Variants in LLGL1 observed in about 807,000 individuals in gnomAD.
The protein encoded by LLGL1 is LLGL scribble cell polarity complex component 1.
LLGL1 carries 58 observed loss-of-function variants against 110.6 expected under a neutral mutation model. The observed-to-expected ratio is 0.52, with a 90% confidence interval of 0.42 to 0.65. LLGL1 has a LOEUF of 0.65. LLGL1 is among the 30% of genes least tolerant of loss of function. The pLI is 0.00. For missense variants in LLGL1, 1,229 were observed against 1,462.1 expected, an observed-to-expected ratio of 0.84 and a Z score of 2.60; for synonymous variants, 674 against 607.2, an observed-to-expected ratio of 1.11 and a Z score of -1.62.
rs1597877924 is a variant in LLGL1, at chr17:18,240,498, G to T, written c.2207-80G>T. On this transcript the variant is annotated intron_variant, in intron 16 of 22. Transcript: ENST00000316843. The surrounding 1 kb of genome is among the most constrained non-coding windows in gnomAD (Gnocchi z 5.3). The stretch of plus-strand genomic sequence containing the variant: ...GCAGGGCTACAAGAGAGGCAGGGAG[G>T]GACCTGCAGTCTGTGGGAAGACCCC... The T allele has an allele frequency of 2.1e-6, 3 of 1,440,154 alleles. No individual in the cohort carries two copies. The East Asian group carries it at 6.9e-5, about 33-fold the overall frequency. The allele number at this position is 1,440,154 out of a possible 1,614,324, so 89.2% of individuals were successfully genotyped here.
chr17:18,230,703 G>C (rs1402240396), intron 2 of LLGL1, among the ~76,000 whole-genome samples: 1 of 152,206 alleles, frequency 6.6e-6, no homozygotes, highest in Non-Finnish European at 1.5e-5. Context: ...CTTGGTGAGG[G>C]GTGCTGACCC....
At chr17:18,242,308 C>T (rs2047857860) in intron 20 of LLGL1, 30 bp downstream of exon 20, 1 of 1,597,818 alleles carries the variant, frequency 6.3e-7, no homozygotes. Context: ...GGTCCAGACC[C>T]TGGCCCCACG....
chr17:18,239,895 CACTT>C (rs768912449), intron 16 of LLGL1, among the ~76,000 whole-genome samples: 18 of 152,016 alleles, frequency 1.2e-4, no homozygotes, highest in Non-Finnish European at 1.9e-4. Context: ...GTTGTGCAGA[CACTT>C]AATGCCTCAG....
At position 18,233,933 on chromosome 17, in the gene LLGL1, G is replaced by A. The variant is rs755966163; in HGVS notation, c.548G>A (p.Arg183His). The A allele has an allele frequency of 8.7e-6, 14 of 1,611,562 alleles. No homozygotes were observed. The Middle Eastern group carries it at 4.9e-4, about 57-fold the overall frequency. Residue 183 changes from arginine to histidine, a missense_variant, in exon 5 of 23, where the codon CGC becomes CAC. Coordinates refer to ENST00000316843, the MANE Select transcript of LLGL1 (RefSeq NM_004140.4). ...ACGCTTGCCCCAGGCGAGGTTCTGC[G>A]CAGGTAAGAGGCCGGTGGGCTTCCC... Reference protein sequence around the residue: ...GQTLAPGEVLRSVPDDYRCGK... With the variant: ...GQTLAPGEVLHSVPDDYRCGK...
intron 19 of LLGL1, 64 bp downstream of exon 19, chr17:18,242,063 C>G: frequency 6.5e-7 from 1 of 1,549,228 alleles, no homozygotes; most frequent in Non-Finnish European, 8.9e-7. Context: ...CATCCCACCC[C>G]CGAGATCTGC....
At position 18,225,745 on chromosome 17, in the gene LLGL1, G is replaced by T; in HGVS notation, c.63G>T (p.Glu21Asp). The T allele has an allele frequency of 9.6e-7, 1 of 1,044,594 alleles. No individual in the cohort carries two copies. 64.7% of individuals were successfully genotyped at this position (1,044,594 alleles called of 1,614,324 possible). Residue 21 changes from glutamate to aspartate, a missense_variant, in exon 1 of 23, where the codon GAG becomes GAT. Transcript: ENST00000316843. ...CGCAGCGCGAGAAGCTCAAGCAGGA[G>T]CTTTTCGCCTTCAACAAGGTGCGGC... The part of the protein sequence containing the change: ...ADPQREKLKQ[E>D]LFAFNKTVEH...
rs1265851919 is a variant in LLGL1, at chr17:18,240,909, C to CT, written c.2502+37dup. ...GTGGGCTGTGGGGGACTCTGGGGGA[C>CT]TCCCCTCCAGGCCCCAACCTCATGG... On this transcript the variant is annotated intron_variant, in intron 17 of 22. Transcript: ENST00000316843. This position sits in a 1 kb window ranked among gnomAD's most constrained non-coding sequence, Gnocchi z 5.3. The CT allele has an allele frequency of 1.4e-6, 2 of 1,481,032 alleles. No individual in the cohort carries two copies. The highest frequency in any genetic ancestry group is 9.0e-7 in the Non-Finnish European group (1 of 1,105,822). 91.7% of individuals were successfully genotyped at this position (1,481,032 alleles called of 1,614,324 possible).
chr17:18,225,787 G>C, intron 1 of LLGL1, 24 bp downstream of exon 1: 2 of 977,596 alleles, frequency 2.0e-6, no homozygotes, highest in South Asian at 4.2e-5. Context: ...CCGGGCCCGG[G>C]CTCGGGCGGG....
rs1164212159 is a variant in LLGL1 at position 18,237,769 on chromosome 17, G to T, written c.1900G>T (p.Ala634Ser). The change falls in exon 14 of 23, where the codon GCC becomes TCC. Residue 634 changes from alanine to serine, a missense_variant. Physicochemically the swap from Ala to Ser is moderately conservative, Grantham distance 99. Transcript: ENST00000316843. ...CTACCAGCGCAAGAGCCCTGTGCTGGCCAGGTGTGTGGGGTGGGGCCGGCT... is the reference window on the plus strand; with the variant it reads ...CTACCAGCGCAAGAGCCCTGTGCTGTCCAGGTGTGTGGGGTGGGGCCGGCT... ...FDYQRKSPVLARCTLHPNDSL... is the reference protein window; with the variant it reads ...FDYQRKSPVLSRCTLHPNDSL... 3 of 1,601,154 alleles carry T rather than the reference G, an allele frequency of 1.9e-6. No individual in the cohort carries two copies. The highest frequency in any genetic ancestry group is 1.7e-6 in the Non-Finnish European group (2 of 1,171,798).
intron 20 of LLGL1, 83 bp downstream of exon 20, chr17:18,242,361 C>G: frequency 1.9e-6 from 3 of 1,541,382 alleles, no homozygotes; most frequent in Non-Finnish European, 1.8e-6. Flanking sequence ...GCTCAGGGAT[C>G]GGGCAGGCTT....
intron 7 of LLGL1, 103 bp downstream of exon 7, chr17:18,234,511 G>C: frequency 1.3e-6 from 2 of 1,578,512 alleles, no homozygotes; most frequent in Non-Finnish European, 8.6e-7. Flanking sequence ...GGGTGGTCTG[G>C]GGGCAGTGTG....
In LLGL1 at chr17:18,225,943, C is replaced by G. The variant is rs1379422273; in HGVS notation, c.81+180C>G. Among the ~76,000 whole-genome samples the G allele has an allele frequency of 2.0e-5, 3 of 151,310 alleles. No individual in the cohort carries two copies. In the East Asian group the frequency reaches 5.9e-4, roughly 30 times the overall value. The stretch of plus-strand genomic sequence containing the variant: ...GGCGGGCCCCGCTCTGGCTCGGACT[C>G]TGGGTGGGTCTGGGTCTCCGGCCGA... On this transcript the variant is annotated intron_variant, in intron 1 of 22. Transcript: ENST00000316843.
Position 18,241,932 on chromosome 17 carries a change from G to A in LLGL1, c.2815G>A (p.Ala939Thr), listed in dbSNP as rs2047844033. 3 of 1,614,032 alleles carry A rather than the reference G, an allele frequency of 1.9e-6. No individual in the cohort carries two copies. Among genetic ancestry groups the A allele is most frequent in the Admixed American group, 1.7e-5 (1 of 60,008 alleles). ...AGAATTTGAACGCTTCTCCCTAAGTGCCCGGAACATCACAGAGCCGCTCTG... is the reference window on the plus strand; with the variant it reads ...AGAATTTGAACGCTTCTCCCTAAGTACCCGGAACATCACAGAGCCGCTCTG... ...PSEFERFSLS[A>T]RNITEPLCSL... is the part of the protein sequence containing the mutation. The change falls in exon 19 of 23, where the codon GCC becomes ACC. Residue 939 changes from alanine to threonine, a missense_variant. Transcript: ENST00000316843.
At chr17:18,243,677 C>T (rs1279390719) in intron 22 of LLGL1, among the ~76,000 whole-genome samples, 1 of 152,318 alleles carries the variant, frequency 6.6e-6, no homozygotes, top group East Asian at 1.9e-4. Context: ...ATGGACACCT[C>T]CCAGCTCTTT....
chr17:18,229,874 C>T (rs2047530391), intron 1 of LLGL1, 67 bp from the exon 2 acceptor site: 7 of 1,138,342 alleles, frequency 6.1e-6, no homozygotes, highest in Non-Finnish European at 8.8e-6. Flanking sequence ...TTGGGGTGGG[C>T]CTCAGGGTGG....
chr17:18,237,416 C>T, intron 13 of LLGL1, 65 bp from the exon 14 acceptor site: 1 of 1,445,100 alleles, frequency 6.9e-7, no homozygotes, highest in Non-Finnish European at 9.2e-7. Flanking sequence ...AGGCTCCAGG[C>T]TGAGTGGGGC....
At chr17:18,235,624 G>A (rs951027033) in intron 11 of LLGL1, 87 bp downstream of exon 11, 4 of 1,368,592 alleles carry the variant, frequency 2.9e-6, no homozygotes, top group Middle Eastern at 2.3e-4. Context: ...GAGGTGCCAG[G>A]AGACTCAGGC....
Position 18,240,646 on chromosome 17 carries a change from G to T in LLGL1, c.2275G>T (p.Val759Leu), listed in dbSNP as rs754054096. 1.2e-6 allele frequency: 2 copies of T among 1,612,938 alleles called. No homozygotes were observed. Among genetic ancestry groups the T allele is most frequent in the Non-Finnish European group, 1.7e-6 (2 of 1,179,754 alleles). Residue 759 changes from valine to leucine, a missense_variant, in exon 17 of 23, where the codon GTG becomes TTG. Physicochemically the swap from Val to Leu is conservative, Grantham distance 32 (BLOSUM62 1). Transcript: ENST00000316843. This position sits in a 1 kb window ranked among gnomAD's most constrained non-coding sequence, Gnocchi z 5.3. ...CTCTGTGTTCGCCTATGCACTGGAG[G>T]TGCCGGCAGCAGCAGTGGGTGGTGA... ...SGSVFAYALE[V>L]PAAAVGGEKR...
Position 18,233,948 on chromosome 17 carries a change from G to A in LLGL1, c.551+12G>A. On this transcript the variant is annotated intron_variant, in intron 5 of 22. Transcript: ENST00000316843. ...GAGGTTCTGCGCAGGTAAGAGGCCG[G>A]TGGGCTTCCCAGCACCCACTGTGTG... The A allele has an allele frequency of 6.2e-7, 1 of 1,608,392 alleles. No homozygotes were observed. The highest frequency in any genetic ancestry group is 8.5e-7 in the Non-Finnish European group (1 of 1,177,514).
Sources: gnomAD v4.1 joint callset for allele counts (sites outside exome capture counted in the v4.1 genomes callset) on GRCh38, gnomAD v4.1.1 for gene constraint, Gnocchi (gnomAD v3.1) non-coding constraint, MANE v1.5 for transcripts, NCBI Gene and HGNC (gene_info 2026-07-23, HGNC 2026-07-21) for gene names.